The following UTRN variants were observed in gnomAD, a reference collection of about 807,000 sequenced individuals.
UTRN encodes the protein utrophin.
UTRN carries 283 observed loss-of-function variants against 463.9 expected under a neutral mutation model. The ratio of observed to expected loss-of-function variants is 0.61; its 90% confidence interval spans 0.55 to 0.67. The LOEUF (loss-of-function observed/expected upper bound fraction) is 0.67, where lower values mean the gene tolerates loss of function less well. Among genes scored for constraint, UTRN ranks in the 30% least tolerant of loss-of-function variants. The probability of loss-of-function intolerance (pLI) is 0.00; values close to 1 mark genes in which losing one functional copy is unlikely to be tolerated. For synonymous variants in UTRN, 1,442 were observed against 1,431.5 expected (o/e 1.01, Z -0.17); for missense variants, 3,922 against 4,084.3 (o/e 0.96, Z 1.08).
chr6:144,625,650 A>G (rs920525449), intron 51 of UTRN, among the ~76,000 whole-genome samples: 1 of 152,234 alleles, frequency 6.6e-6, no homozygotes, highest in South Asian at 2.1e-4. Context: ...TTATGAAGGA[A>G]TGTGCTAATG....
At chr6:144,545,677 T>C (rs1320776452) in intron 46 of UTRN, among the ~76,000 whole-genome samples, 1 of 152,194 alleles carries the variant, frequency 6.6e-6, no homozygotes, top group East Asian at 1.9e-4. Context: ...CCTGTCTCTG[T>C]CTTCTTGTAT....
At chr6:144,397,027 C>G (rs999330488) in intron 2 of UTRN, among the ~76,000 whole-genome samples, 1 of 151,968 alleles carries the variant, frequency 6.6e-6, no homozygotes, top group Non-Finnish European at 1.5e-5. Flanking sequence ...GGGTGGATCA[C>G]GAGGTCAGGA....
chr6:144,337,596 G>C (rs1776834975), intron 2 of UTRN, among the ~76,000 whole-genome samples: 1 of 152,086 alleles, frequency 6.6e-6, no homozygotes, highest in African/African-American at 2.4e-5. Context: ...GCTCCGTGTG[G>C]TTTGGAATAC....
rs984867377 is a variant in UTRN at position 144,286,111 on chromosome 6, T to C, written c.-93+290T>C. On this transcript the variant is annotated intron_variant, in intron 1 of 74. Coordinates refer to ENST00000367545, the MANE Select transcript of UTRN (RefSeq NM_007124.3). The surrounding 1 kb of genome is among the most constrained non-coding windows in gnomAD (Gnocchi z 4.4). ...ACTAGTTGTGAACGATCCAAACTTA[T>C]CTGACCAGCTCTGTGCTGCCTCCCT... is the stretch of plus-strand genomic sequence containing the variant. Among the ~76,000 whole-genome samples the C allele has an allele frequency of 1.3e-5, 2 of 152,232 alleles. No homozygotes were observed. Among genetic ancestry groups the C allele is most frequent in the Non-Finnish European group, 2.9e-5 (2 of 68,036 alleles).
At chr6:144,537,044 T>C (rs183843912) in intron 43 of UTRN, among the ~76,000 whole-genome samples, 115 of 152,244 alleles carry the variant, frequency 7.6e-4, no homozygotes, top group African/African-American at 2.7e-3. Context: ...CACATGTTTC[T>C]TGTCTTCCCT....
At chr6:144,328,075 G>A (rs1254580526) in intron 2 of UTRN, among the ~76,000 whole-genome samples, 3 of 151,906 alleles carry the variant, frequency 2.0e-5, no homozygotes, top group African/African-American at 7.3e-5. Context: ...AATACATTCC[G>A]CAACCCCACC....
intron 51 of UTRN, among the ~76,000 whole-genome samples, chr6:144,601,762 C>T (rs900062731): frequency 4.6e-5 from 7 of 152,086 alleles, no homozygotes; most frequent in Non-Finnish European, 7.4e-5. Context: ...AAAATGCTAC[C>T]GAGACATCTT....
chr6:144,835,736 C>T, intron 69 of UTRN, 44 bp from the exon 70 acceptor site: 1 of 1,605,680 alleles, frequency 6.2e-7, no homozygotes, highest in Non-Finnish European at 8.5e-7. Flanking sequence ...AAAACATCAC[C>T]ATCCAGATGT....
In UTRN at chr6:144,851,329, T is replaced by TATG; in HGVS notation, c.*335_*337dup. 3.7e-6 allele frequency: 1 copy of TATG among 273,720 alleles called. No individual in the cohort carries two copies. Among genetic ancestry groups the TATG allele is most frequent in the Non-Finnish European group, 6.9e-6 (1 of 144,676 alleles). 17.0% of individuals were successfully genotyped at this position (273,720 alleles called of 1,614,324 possible). A position where few individuals can be genotyped will look rare whatever the true frequency, so the allele number is the denominator to read the frequency against. The stretch of plus-strand genomic sequence containing the variant: ...GGGAAAGTGGGTGGGGGCTTTCTAA[T>TATG]ATGATACCGTCTTTTTAATAACTAT... On this transcript the variant is annotated 3_prime_UTR_variant, in exon 75 of 75. Transcript: ENST00000367545.
chr6:144,670,519 T>A (rs759025299), intron 51 of UTRN, among the ~76,000 whole-genome samples: 3 of 152,196 alleles, frequency 2.0e-5, no homozygotes, highest in Non-Finnish European at 2.9e-5. Flanking sequence ...TTGTGGATTC[T>A]GGATGTTAGT....
In UTRN at chr6:144,447,310, C is replaced by T. The variant is rs765060740; in HGVS notation, c.1714C>T (p.Arg572Cys). The part of the protein sequence containing the change: ...DQKELSVSVR[R>C]LAILKEDMEM... The stretch of plus-strand genomic sequence containing the variant: ...AAAGGAACTAAGTGTCAGTGTTCGA[C>T]GTCTGGCTGTAAGTGATGGGGTTGT... The change falls in exon 15 of 75, where the codon CGT becomes TGT. Residue 572 changes from arginine to cysteine, a missense_variant. Coordinates refer to ENST00000367545, the MANE Select transcript of UTRN (RefSeq NM_007124.3). The T allele has an allele frequency of 5.6e-6, 9 of 1,613,058 alleles. No homozygotes were observed. Among genetic ancestry groups the T allele is most frequent in the East Asian group, 4.5e-5 (2 of 44,806 alleles).
At chr6:144,619,455 A>G (rs1227089416) in intron 51 of UTRN, among the ~76,000 whole-genome samples, 2 of 152,240 alleles carry the variant, frequency 1.3e-5, no homozygotes, top group East Asian at 3.8e-4. Context: ...GAAGCAGAAT[A>G]CAACTTTACA....
At chr6:144,537,116 GA>G (rs1797608471) in intron 43 of UTRN, among the ~76,000 whole-genome samples, 1 of 151,930 alleles carries the variant, frequency 6.6e-6, no homozygotes, top group Non-Finnish European at 1.5e-5. Flanking sequence ...TCTGTTCTAT[GA>G]ATAAAGCAGA....
chr6:144,841,594 T>C (rs966765287), intron 73 of UTRN, among the ~76,000 whole-genome samples: 2 of 152,190 alleles, frequency 1.3e-5, no homozygotes, highest in African/African-American at 4.8e-5. Flanking sequence ...ACTGTATATA[T>C]GTATACATAT....
chr6:144,516,456 C>T (rs1374855018), intron 38 of UTRN, 69 bp downstream of exon 38: 7 of 1,492,858 alleles, frequency 4.7e-6, no homozygotes, highest in Non-Finnish European at 5.4e-6. Flanking sequence ...ATTTTTACAT[C>T]AAGATGTTTG....
At chr6:144,583,745 A>C (rs1203086131) in intron 51 of UTRN, 1 of 438,760 alleles carries the variant, frequency 2.3e-6, no homozygotes. Context: ...AGTGAATTGC[A>C]TAATTACATT....
chr6:144,370,401 G>A (rs550588961), intron 2 of UTRN, among the ~76,000 whole-genome samples: 46 of 152,238 alleles, frequency 3.0e-4, no homozygotes, highest in Non-Finnish European at 5.9e-4. Flanking sequence ...CTTATGCATG[G>A]TGTTGGACCT....
chr6:144,397,242 C>G (rs972739567), intron 2 of UTRN, among the ~76,000 whole-genome samples: 2 of 150,352 alleles, frequency 1.3e-5, no homozygotes, highest in African/African-American at 4.9e-5. Context: ...GAAACTCGGT[C>G]TTAAAAAAAA....
At chr6:144,287,665 G>A (rs1329279596) in intron 1 of UTRN, among the ~76,000 whole-genome samples, 2 of 152,008 alleles carry the variant, frequency 1.3e-5, no homozygotes, top group Non-Finnish European at 2.9e-5. Context: ...CTTTAAGGCT[G>A]TCACCTTATG....
Sources: allele counts gnomAD v4.1 joint callset (sites outside exome capture counted in the v4.1 genomes callset), GRCh38; gene constraint gnomAD v4.1.1; non-coding constraint Gnocchi (gnomAD v3.1); transcripts MANE v1.5; gene names NCBI Gene and HGNC (gene_info 2026-07-23, HGNC 2026-07-21).